The following PLXNA4 variants were observed in gnomAD, a reference collection of about 807,000 sequenced individuals.
PLXNA4 encodes plexin-A4.
In PLXNA4, 44 loss-of-function variants were observed where a neutral mutation model predicts 191.8. The observed-to-expected ratio is 0.23, with a 90% CI of 0.18 to 0.29. The LOEUF (loss-of-function observed/expected upper bound fraction) is 0.29, where lower values mean the gene tolerates loss of function less well. PLXNA4 is among the 10% of genes least tolerant of loss of function. The pLI is 1.00. For synonymous variants in PLXNA4, 1,082 were observed against 1,009.5 expected (o/e 1.07, Z -1.36); for missense variants, 1,800 against 2,488.8 (o/e 0.72, Z 5.89).
chr7:132,166,582 C>T (rs1212762530), intron 22 of PLXNA4, among the ~76,000 whole-genome samples: 5 of 151,634 alleles, frequency 3.3e-5, no homozygotes, highest in South Asian at 2.1e-4. Context: ...GGGAGGCTGC[C>T]GGCACAAAAT....
At chr7:132,397,185 T>G (rs1793802681) in intron 3 of PLXNA4, among the ~76,000 whole-genome samples, 1 of 152,224 alleles carries the variant, frequency 6.6e-6, no homozygotes, top group South Asian at 2.1e-4. Flanking sequence ...TGAAGTTGGT[T>G]TTTAAGAGAC....
At chr7:132,194,579 G>C (rs549233523) in intron 13 of PLXNA4, among the ~76,000 whole-genome samples, 1 of 152,292 alleles carries the variant, frequency 6.6e-6, no homozygotes, top group East Asian at 1.9e-4. Flanking sequence ...CCAGAACTTG[G>C]AACAGACCTA....
At position 132,194,187 on chromosome 7, in the gene PLXNA4, G is replaced by A. The variant is rs370822882; in HGVS notation, c.2739-8C>T. 5 of 1,609,936 alleles carry A rather than the reference G, an allele frequency of 3.1e-6. No individual in the cohort carries two copies. The highest frequency in any genetic ancestry group is 4.2e-6 in the Non-Finnish European group (5 of 1,177,122). ...CCCATCTCACACACGATCCTGCAGG[G>A]AGGATAGGAGAAATCCCATGGGTCA... On this transcript the variant is annotated splice_polypyrimidine_tract_variant and splice_region_variant and intron_variant, in intron 13 of 31. Coordinates refer to ENST00000321063, the MANE Select transcript of PLXNA4 (RefSeq NM_020911.2).
chr7:132,326,537 C>T (rs558394828), intron 3 of PLXNA4, among the ~76,000 whole-genome samples: 1 of 152,178 alleles, frequency 6.6e-6, no homozygotes, highest in Admixed American at 6.5e-5. Context: ...CTTGCCTTCC[C>T]ACTGTGCCTC....
At chr7:132,141,504 C>T (rs528929756) in intron 29 of PLXNA4, among the ~76,000 whole-genome samples, 1 of 152,282 alleles carries the variant, frequency 6.6e-6, no homozygotes, top group South Asian at 2.1e-4. Flanking sequence ...TGAGACACAT[C>T]CTCTGCTCTC....
intron 3 of PLXNA4, among the ~76,000 whole-genome samples, chr7:132,380,142 T>C (rs1053986568): frequency 1.3e-5 from 2 of 152,206 alleles, no homozygotes; most frequent in African/African-American, 4.8e-5. Context: ...GCCCCTCCCC[T>C]TGGGGCTTCC....
chr7:132,202,657 G>A lies in PLXNA4; in HGVS notation c.2575C>T (p.Arg859Cys), dbSNP rs1199808840. The A allele has an allele frequency of 1.3e-6, 2 of 1,521,002 alleles. No homozygotes were observed. Among genetic ancestry groups the A allele is most frequent in the Non-Finnish European group, 1.8e-6 (2 of 1,130,570 alleles). The allele number at this position is 1,521,002 out of a possible 1,614,324, so 94.2% of individuals were successfully genotyped here. The change falls in exon 12 of 32, where the codon CGC (arginine) becomes TGC (cysteine). Residue 859 changes from arginine to cysteine, a missense_variant. By Grantham distance (180) the Arg-to-Cys change is radical. Coordinates refer to ENST00000321063, the MANE Select transcript of PLXNA4 (RefSeq NM_020911.2). ...CGACCCCGGCTTACCTCTGTGATGC[G>A]GGGGTTTGTGCACTTGCTTTTGGCA... ...SGAKSKCTNP[R>C]ITEIIPVTGP...
At chr7:132,371,107 A>T (rs1304050242) in intron 3 of PLXNA4, among the ~76,000 whole-genome samples, 2 of 152,146 alleles carry the variant, frequency 1.3e-5, no homozygotes, top group African/African-American at 4.8e-5. Flanking sequence ...GTCTGCAGAC[A>T]CACATGCCCC....
At chr7:132,599,462 C>T (rs559112577) in intron 2 of PLXNA4, among the ~76,000 whole-genome samples, 6 of 152,186 alleles carry the variant, frequency 3.9e-5, no homozygotes, top group Admixed American at 2.0e-4. Flanking sequence ...TAAATTAATT[C>T]CTGGTTAGTT....
intron 2 of PLXNA4, among the ~76,000 whole-genome samples, chr7:132,503,384 G>T (rs1304319813): frequency 6.6e-6 from 1 of 152,190 alleles, no homozygotes; most frequent in Non-Finnish European, 1.5e-5. Flanking sequence ...CCCCAGGAAG[G>T]TGAAGAAAGG....
intron 9 of PLXNA4, among the ~76,000 whole-genome samples, chr7:132,222,281 T>C (rs1321000946): frequency 6.6e-6 from 1 of 152,234 alleles, no homozygotes; most frequent in Non-Finnish European, 1.5e-5. Context: ...CTACCCACCG[T>C]GCTATGGGAG....
intron 4 of PLXNA4, among the ~76,000 whole-genome samples, chr7:132,246,319 T>C: frequency 6.6e-6 from 1 of 152,230 alleles, no homozygotes; most frequent in East Asian, 1.9e-4. Flanking sequence ...TAATCTCAAA[T>C]GGGTTTTGGA....
Position 132,507,713 on chromosome 7 carries a change from T to C in PLXNA4, c.981A>G (p.Gly327=). ...KAGAVLGRTL[G]VHPDDDLLFT... is the part of the protein sequence containing the mutation. ...AGAGCAGGTCATCATCTGGATGGAC[T>C]CCAAGGGTCCTGCCAAGCACGGCCC... The change falls in exon 2 of 32, where the codon GGA becomes GGG. Residue 327 remains glycine (G), a synonymous_variant. Transcript: ENST00000321063. 3.7e-6 allele frequency: 6 copies of C among 1,614,174 alleles called. No individual in the cohort carries two copies. The highest frequency in any genetic ancestry group is 5.1e-6 in the Non-Finnish European group (6 of 1,180,032).
chr7:132,154,189 G>T (rs988905694), intron 25 of PLXNA4, among the ~76,000 whole-genome samples: 1 of 152,190 alleles, frequency 6.6e-6, no homozygotes, highest in Non-Finnish European at 1.5e-5. Flanking sequence ...GAAGGAGGCT[G>T]TAGGGGGAGA....
At chr7:132,208,585 G>T (rs73499401) in intron 10 of PLXNA4, among the ~76,000 whole-genome samples, 1 of 152,058 alleles carries the variant, frequency 6.6e-6, no homozygotes, top group Non-Finnish European at 1.5e-5. Flanking sequence ...GAAGGGAGCC[G>T]CAGCTTCCAG....
intron 3 of PLXNA4, among the ~76,000 whole-genome samples, chr7:132,350,614 G>C (rs1323804323): frequency 6.6e-6 from 1 of 152,232 alleles, no homozygotes; most frequent in African/African-American, 2.4e-5. Context: ...CCGCTGGGAT[G>C]GCTAGAGTAA....
intron 2 of PLXNA4, among the ~76,000 whole-genome samples, chr7:132,590,250 G>C (rs1010250285): frequency 6.6e-6 from 1 of 152,176 alleles, no homozygotes; most frequent in South Asian, 2.1e-4. Flanking sequence ...AGGAAGGAAG[G>C]TGCCGATTAG....
chr7:132,538,738 G>A (rs1378716057), intron 1 of PLXNA4, among the ~76,000 whole-genome samples: 1 of 152,200 alleles, frequency 6.6e-6, no homozygotes. Flanking sequence ...GTAGGCTGCT[G>A]CCGCACCCCT....
chr7:132,488,832 A>G (rs1563128778), intron 3 of PLXNA4, among the ~76,000 whole-genome samples: 1 of 152,158 alleles, frequency 6.6e-6, no homozygotes, highest in Non-Finnish European at 1.5e-5. Context: ...CCCCATTTGC[A>G]ACTTTAATAG....
Sources: allele counts gnomAD v4.1 joint callset (sites outside exome capture counted in the v4.1 genomes callset), GRCh38; gene constraint gnomAD v4.1.1; transcripts MANE v1.5; gene names NCBI Gene and HGNC (gene_info 2026-07-23, HGNC 2026-07-21).